Variants in METTL22 observed in about 807,000 individuals in gnomAD.
METTL22 encodes the protein methyltransferase 22, Kin17 lysine.
METTL22 carries 51 observed loss-of-function variants against 48.4 expected under a neutral mutation model. The ratio of observed to expected loss-of-function variants is 1.05; its 90% confidence interval spans 0.84 to 1.33. The LOEUF (loss-of-function observed/expected upper bound fraction) is 1.33, where lower values mean the gene tolerates loss of function less well. Among genes scored for constraint, METTL22 ranks in the 40% most tolerant of loss-of-function variants. METTL22 has a pLI of 0.00. For synonymous variants in METTL22, 255 were observed against 214.1 expected (o/e 1.19, Z -1.67); for missense variants, 678 against 526.9 (o/e 1.29, Z -2.81).
chr16:8,663,922 G>A, the METTL22 span, among the ~76,000 whole-genome samples: 52 of 151,856 alleles, frequency 3.4e-4, no homozygotes, highest in Non-Finnish European at 5.4e-4. Context: ...CAGTCCCCTC[G>A]GCCTCTACCC....
At chr16:8,626,989 G>C (rs1765878440) in intron 2 of METTL22, among the ~76,000 whole-genome samples, 2 of 151,116 alleles carry the variant, frequency 1.3e-5, no homozygotes, top group South Asian at 4.2e-4. Context: ...GAATGGTCTT[G>C]ATCTCCTGAC....
chr16:8,644,308 T>C, intron 9 of METTL22: 1 of 316,706 alleles, frequency 3.2e-6, no homozygotes, highest in East Asian at 6.1e-5. Context: ...AGTGTCATTG[T>C]GGGCACGTGA....
chr16:8,625,932 T>A, intron 2 of METTL22, 134 bp downstream of exon 2: 1 of 1,113,868 alleles, frequency 9.0e-7, no homozygotes, highest in South Asian at 1.6e-5. Flanking sequence ...AAGTGCCCTT[T>A]TTTTCTTTAT....
At chr16:8,658,118 CT>C in the METTL22 span, among the ~76,000 whole-genome samples, 1 of 152,134 alleles carries the variant, frequency 6.6e-6, no homozygotes, top group Non-Finnish European at 1.5e-5. Flanking sequence ...TGCTCTGCCC[CT>C]GATGTCTTTA....
At chr16:8,656,446 G>A in the METTL22 span, among the ~76,000 whole-genome samples, 1 of 152,174 alleles carries the variant, frequency 6.6e-6, no homozygotes, top group African/African-American at 2.4e-5. Context: ...CTAACTATTG[G>A]AGAAGCAAAG....
intron 5 of METTL22, among the ~76,000 whole-genome samples, chr16:8,635,527 G>A (rs1468224847): frequency 6.6e-6 from 1 of 152,190 alleles, no homozygotes; most frequent in African/African-American, 2.4e-5. Flanking sequence ...GTCACCCAGT[G>A]GCTATAAGGC....
At chr16:8,622,728 C>T (rs1420911199) in intron 1 of METTL22, among the ~76,000 whole-genome samples, 2 of 152,106 alleles carry the variant, frequency 1.3e-5, no homozygotes. Context: ...TCATATACTC[C>T]TCTGAGTATA....
chr16:8,664,181 G>A, the METTL22 span, among the ~76,000 whole-genome samples: 4 of 151,604 alleles, frequency 2.6e-5, no homozygotes, highest in Non-Finnish European at 5.9e-5. Context: ...TCCGGCTCCT[G>A]GACTCAAGCG....
the METTL22 span, among the ~76,000 whole-genome samples, chr16:8,664,144 A>G: frequency 6.6e-6 from 1 of 150,858 alleles, no homozygotes; most frequent in African/African-American, 2.4e-5. Flanking sequence ...CTGAAGTGCA[A>G]TGGCGTGATG....
At position 8,635,204 on chromosome 16, in the gene METTL22, C is replaced by T. The variant is rs1438993683; in HGVS notation, c.592C>T (p.Leu198=). 1 of 1,611,438 alleles carries T rather than the reference C, an allele frequency of 6.2e-7. No homozygotes were observed. Among genetic ancestry groups the T allele is most frequent in the South Asian group, 1.1e-5 (1 of 90,816 alleles). ...RGALLLADYI[L]FRQDLFRGCT... ...CGCCCTGCTCCTGGCAGACTACATC[C>T]TGTTCCGACAGGACCTCTTCCGAGG... is the stretch of plus-strand genomic sequence containing the variant. The change falls in exon 5 of 11, where the codon CTG becomes TTG. Residue 198 remains leucine (L), a synonymous_variant. Coordinates refer to ENST00000381920, the MANE Select transcript of METTL22 (RefSeq NM_024109.4).
chr16:8,666,388 C>G, the METTL22 span, among the ~76,000 whole-genome samples: 4 of 152,202 alleles, frequency 2.6e-5, no homozygotes, highest in Non-Finnish European at 5.9e-5. Context: ...CTCCTGGAAT[C>G]ATCCTGAGAT....
the METTL22 span, among the ~76,000 whole-genome samples, chr16:8,659,981 C>T: frequency 6.6e-6 from 1 of 152,070 alleles, no homozygotes. Flanking sequence ...CCACCTCAGC[C>T]TCACAAAATG....
the METTL22 span, among the ~76,000 whole-genome samples, chr16:8,660,856 GGAA>G: frequency 1.3e-4 from 3 of 23,538 alleles, no homozygotes; most frequent in African/African-American, 1.6e-4. Context: ...AGGGGGAGGA[GGAA>G]GAGGAGGAGG....
At chr16:8,642,938 C>A in intron 9 of METTL22, 1 of 228,700 alleles carries the variant, frequency 4.4e-6, no homozygotes, top group Non-Finnish European at 8.9e-6. Context: ...TCTGTGGTGC[C>A]GTCTGTCTCT....
Position 8,645,984 on chromosome 16 carries a change from C to A in METTL22, c.1180-124C>A, listed in dbSNP as rs779856947. The stretch of plus-strand genomic sequence containing the variant: ...AGCCGCCCGTCCGCTCCTGCCCCAG[C>A]TCGCCTGCTCCGTGGCTGACGTGTT... On this transcript the variant is annotated intron_variant, in intron 10 of 10. Coordinates refer to ENST00000381920, the MANE Select transcript of METTL22 (RefSeq NM_024109.4). 1.1e-3 allele frequency: 1,555 copies of A among 1,460,374 alleles called. 3 individuals are homozygous for A. The highest frequency in any genetic ancestry group is 1.3e-3 in the Non-Finnish European group (1,477 of 1,106,414). The allele number at this position is 1,460,374 out of a possible 1,614,324, so 90.5% of individuals were successfully genotyped here.
Position 8,628,974 on chromosome 16 carries a change from A to T in METTL22, c.378A>T (p.Arg126Ser). Residue 126 changes from arginine to serine, a missense_variant, in exon 3 of 11, where the codon AGA becomes AGT. By Grantham distance (110) the Arg-to-Ser change is moderately radical (BLOSUM62 -1). Coordinates refer to ENST00000381920, the MANE Select transcript of METTL22 (RefSeq NM_024109.4). ...AGGATGGGGATTTGGACGTGGTGAG[A>T]AGACCACGAGCCGCCTCTGATTCCA... ...LDEDGDLDVVRRPRAASDSNP... is the reference protein window; with the variant it reads ...LDEDGDLDVVSRPRAASDSNP... 1 of 1,614,092 alleles carries T rather than the reference A, an allele frequency of 6.2e-7. No homozygotes were observed. Among genetic ancestry groups the T allele is most frequent in the Non-Finnish European group, 8.5e-7 (1 of 1,180,038 alleles).
the METTL22 span, among the ~76,000 whole-genome samples, chr16:8,654,957 C>G: frequency 0.092 from 13,956 of 152,158 alleles, 715 homozygotes; most frequent in Middle Eastern, 0.14. Context: ...TAGCAGCAAA[C>G]TGAAGGTGGA....
intron 3 of METTL22, among the ~76,000 whole-genome samples, chr16:8,633,267 A>G (rs2056320576): frequency 6.6e-6 from 1 of 151,952 alleles, no homozygotes; most frequent in Non-Finnish European, 1.5e-5. Flanking sequence ...TGTCCCTGGC[A>G]TGGTTCAGAT....
chr16:8,653,462 G>C (rs977436126), downstream of METTL22, among the ~76,000 whole-genome samples: 1 of 152,192 alleles, frequency 6.6e-6, no homozygotes, highest in Non-Finnish European at 1.5e-5. Context: ...GATGACTTCT[G>C]TGTTGACAGG....
Sources: gnomAD v4.1 joint callset for allele counts (sites outside exome capture counted in the v4.1 genomes callset) on GRCh38, gnomAD v4.1.1 for gene constraint, MANE v1.5 for transcripts, NCBI Gene and HGNC (gene_info 2026-07-23, HGNC 2026-07-21) for gene names.